ITGA2: variants seen among roughly 807,000 people sequenced by gnomAD.
ITGA2 encodes integrin subunit alpha 2.
A neutral mutation model predicts 146.3 loss-of-function variants in ITGA2; 101 were observed. The ratio of observed to expected loss-of-function variants is 0.69; its 90% CI spans 0.59 to 0.81. ITGA2 has a LOEUF of 0.81. Ranked by LOEUF, ITGA2 falls within the 40% of genes least tolerant of loss-of-function variation. The pLI is 0.00. For missense variants in ITGA2, 1,281 were observed against 1,402.7 expected, an observed-to-expected ratio of 0.91 and a Z score of 1.39; for synonymous variants, 477 against 487.1, an observed-to-expected ratio of 0.98 and a Z score of 0.27.
At position 53,074,393 on chromosome 5, in the gene ITGA2, G is replaced by C; in HGVS notation, c.2580G>C (p.Gly860=). The C allele has an allele frequency of 1.2e-6, 2 of 1,612,204 alleles. No homozygotes were observed. Among genetic ancestry groups the C allele is most frequent in the Non-Finnish European group, 1.7e-6 (2 of 1,178,812 alleles). The part of the protein sequence containing the change: ...FFASFSLPVD[G]TEVTCQVAAS... ...TCCTTGGTCTTGTTCAGGTTGATGG[G>C]ACAGAAGTAACATGCCAGGTGGCTG... is the stretch of plus-strand genomic sequence containing the variant. Residue 860 remains glycine (G), a synonymous_variant, in exon 21 of 30, where the codon GGG becomes GGC. Transcript: ENST00000296585.
intron 25 of ITGA2, among the ~76,000 whole-genome samples, chr5:53,081,332 G>C (rs1278708127): frequency 1.3e-5 from 2 of 152,156 alleles, no homozygotes; most frequent in African/African-American, 4.8e-5. Flanking sequence ...ATTATTCACA[G>C]TGTTTAGCTA....
chr5:53,042,167 T>C lies in ITGA2; in HGVS notation c.241T>C (p.Tyr81His). 2 of 1,613,540 alleles carry C rather than the reference T, an allele frequency of 1.2e-6. No individual in the cohort carries two copies. The highest frequency in any genetic ancestry group is 1.7e-5 in the Admixed American group (1 of 60,004). ...TCCTGAGAACCGAATGGGAGATGTG[T>C]ATAAATGTCCTGTTGACCTATCCAC... ...GFPENRMGDVYKCPVDLSTAT... is the reference protein window; with the variant it reads ...GFPENRMGDVHKCPVDLSTAT... Residue 81 changes from tyrosine (Y) to histidine (H), a missense_variant, in exon 3 of 30, where the codon TAT becomes CAT. By Grantham distance (83) the Tyr-to-His change is moderately conservative (BLOSUM62 2). Transcript: ENST00000296585.
intron 13 of ITGA2, 74 bp from the exon 14 acceptor site, chr5:53,064,838 C>G: frequency 2.1e-6 from 3 of 1,445,636 alleles, no homozygotes. Context: ...AGCCACCACA[C>G]CCAGCTGCTC....
intron 26 of ITGA2, among the ~76,000 whole-genome samples, chr5:53,082,458 G>T (rs566342542): frequency 6.6e-6 from 1 of 152,244 alleles, no homozygotes; most frequent in African/African-American, 2.4e-5. Flanking sequence ...TAACTGAAGT[G>T]GGCCACGCTA....
At chr5:53,014,823 A>C (rs153140) in intron 1 of ITGA2, among the ~76,000 whole-genome samples, 17,809 of 151,930 alleles carry the variant, frequency 0.12, 1,367 homozygotes, top group African/African-American at 0.2. Context: ...GTTCAATATT[A>C]AGAGGTTGTA....
At chr5:53,047,387 G>T (rs1192143697) in intron 4 of ITGA2, among the ~76,000 whole-genome samples, 1 of 152,142 alleles carries the variant, frequency 6.6e-6, no homozygotes, top group Non-Finnish European at 1.5e-5. Flanking sequence ...TTAATCAGGA[G>T]TTTTTGGCAT....
chr5:53,042,155 A>C lies in ITGA2; in HGVS notation c.229A>C (p.Met77Leu). The C allele has an allele frequency of 1.2e-6, 2 of 1,613,496 alleles. No homozygotes were observed. Among genetic ancestry groups the C allele is most frequent in the Non-Finnish European group, 1.7e-6 (2 of 1,179,450 alleles). Reference sequence around the variant, plus strand: ...CTGGAGTGGCTTTCCTGAGAACCGAATGGGAGATGTGTATAAATGTCCTGT... The same window carrying C: ...CTGGAGTGGCTTTCCTGAGAACCGACTGGGAGATGTGTATAAATGTCCTGT... Reference protein sequence around the residue: ...SPWSGFPENRMGDVYKCPVDL... With the variant: ...SPWSGFPENRLGDVYKCPVDL... Residue 77 changes from methionine to leucine, a missense_variant, in exon 3 of 30, where the codon ATG becomes CTG. Transcript: ENST00000296585.
intron 1 of ITGA2, among the ~76,000 whole-genome samples, chr5:52,998,524 CCT>C (rs1161921642): frequency 6.6e-6 from 1 of 151,950 alleles, no homozygotes; most frequent in Non-Finnish European, 1.5e-5. Context: ...TTTTTCATGT[CCT>C]CTCTCTCTTT....
At chr5:52,995,552 G>A (rs1449286332) in intron 1 of ITGA2, among the ~76,000 whole-genome samples, 1 of 152,208 alleles carries the variant, frequency 6.6e-6, no homozygotes, top group Non-Finnish European at 1.5e-5. Flanking sequence ...ACATGGACAA[G>A]TCAGTTGATT....
At chr5:53,010,702 T>A (rs1424201673) in intron 1 of ITGA2, among the ~76,000 whole-genome samples, 2 of 152,160 alleles carry the variant, frequency 1.3e-5, no homozygotes, top group African/African-American at 2.4e-5. Flanking sequence ...CCTTAAAGAA[T>A]GTATTTTGCA....
At chr5:53,081,333 T>G (rs562807050) in intron 25 of ITGA2, among the ~76,000 whole-genome samples, 20 of 152,296 alleles carry the variant, frequency 1.3e-4, no homozygotes, top group African/African-American at 4.8e-4. Flanking sequence ...TTATTCACAG[T>G]GTTTAGCTAT....
chr5:53,033,790 G>C (rs1446067193), intron 2 of ITGA2, among the ~76,000 whole-genome samples: 3 of 147,854 alleles, frequency 2.0e-5, no homozygotes, highest in African/African-American at 7.5e-5. Context: ...TTGAGACGGA[G>C]TCTCACTCTT....
intron 3 of ITGA2, among the ~76,000 whole-genome samples, chr5:53,042,981 G>A (rs1485689495): frequency 3.3e-5 from 5 of 152,118 alleles, no homozygotes; most frequent in Non-Finnish European, 5.9e-5. Flanking sequence ...AAGGGAAGTG[G>A]TGTTTCTTGC....
chr5:52,989,585 C>G, intron 1 of ITGA2, 53 bp downstream of exon 1: 1 of 1,590,506 alleles, frequency 6.3e-7, no homozygotes, highest in African/African-American at 1.3e-5. Flanking sequence ...GCGCGGCTTC[C>G]TGGGGCTCGC....
intron 2 of ITGA2, among the ~76,000 whole-genome samples, chr5:53,036,844 C>A (rs1025404311): frequency 2.6e-5 from 4 of 152,288 alleles, no homozygotes; most frequent in African/African-American, 9.6e-5. Context: ...TATAGACTCA[C>A]AGATTGTATA....
At chr5:53,085,005 C>A (rs987872281) in intron 27 of ITGA2, among the ~76,000 whole-genome samples, 1 of 152,146 alleles carries the variant, frequency 6.6e-6, no homozygotes, top group Admixed American at 6.5e-5. Flanking sequence ...TAAGAAAACA[C>A]CCTTGAGATG....
intron 1 of ITGA2, among the ~76,000 whole-genome samples, chr5:53,005,546 A>C (rs1579785655): frequency 1.3e-5 from 2 of 148,888 alleles, no homozygotes; most frequent in South Asian, 2.1e-4. Context: ...GCACCACTGC[A>C]CTCCAGCCTG....
chr5:53,083,702 C>G (rs1482966396), intron 27 of ITGA2, among the ~76,000 whole-genome samples: 1 of 152,132 alleles, frequency 6.6e-6, no homozygotes, highest in Non-Finnish European at 1.5e-5. Context: ...TGCGACCTAC[C>G]ACATCAATGG....
intron 27 of ITGA2, 55 bp downstream of exon 27, chr5:53,083,508 C>T: frequency 1.9e-6 from 2 of 1,073,832 alleles, no homozygotes; most frequent in Non-Finnish European, 2.9e-6. Context: ...CATAAGTCTG[C>T]ACTGACAAGT....
Sources: allele counts gnomAD v4.1 joint callset (sites outside exome capture counted in the v4.1 genomes callset), GRCh38; gene constraint gnomAD v4.1.1; transcripts MANE v1.5; gene names NCBI Gene and HGNC (gene_info 2026-07-23, HGNC 2026-07-21).